BIN1: variants seen among roughly 807,000 people sequenced by gnomAD.
BIN1 encodes the protein myc box-dependent-interacting protein 1.
A neutral mutation model predicts 82.0 loss-of-function variants in BIN1; 53 were observed. The observed-to-expected ratio is 0.65, with a 90% CI of 0.52 to 0.81. The LOEUF is 0.81. Among genes scored for constraint, BIN1 ranks in the 40% least tolerant of loss-of-function variants. The pLI is 0.00. For synonymous variants in BIN1, 302 were observed against 328.0 expected, an observed-to-expected ratio of 0.92 and a Z score of 0.86; for missense variants, 642 against 784.4, an observed-to-expected ratio of 0.82 and a Z score of 2.17.
rs566618682 is a variant in BIN1, at chr2:127,068,514, C to T, written c.520-259G>A. 1.3e-3 allele frequency among the ~76,000 whole-genome samples: 192 copies of T among 152,266 alleles called. 2 individuals carry two copies. The highest frequency in any genetic ancestry group is 2.5e-3 in the Admixed American group (38 of 15,300). ...AGCAAGCACGGCCCTGCCCGGAGGA[C>T]GGGGCCACCCCAGCCCCTCACCAAA... On this transcript the variant is annotated intron_variant, in intron 6 of 18. Transcript: ENST00000316724. The surrounding 1 kb of genome is among the most constrained non-coding windows in gnomAD (Gnocchi z 4.9).
chr2:127,089,163 C>T (rs1394313253), intron 1 of BIN1, among the ~76,000 whole-genome samples: 1 of 152,172 alleles, frequency 6.6e-6, no homozygotes, highest in Non-Finnish European at 1.5e-5. Flanking sequence ...CAGGGTCACG[C>T]AGCCAGGCCC....
chr2:127,070,022 C>CGT lies in BIN1; in HGVS notation c.382_383dup (p.Tyr129ArgfsTer68), dbSNP rs761813363. Reference sequence around the variant, plus strand: ...TGATGTCGGGGAACTGGCCCAGGTACGTGTCCATGGTCAGCAGCGCCTGGT... The same window carrying CGT: ...TGATGTCGGGGAACTGGCCCAGGTACGTGTGTCCATGGTCAGCAGCGCCTGGT... On this transcript the variant is annotated frameshift_variant, in exon 5 of 19. Coordinates refer to ENST00000316724, the MANE Select transcript of BIN1 (RefSeq NM_139343.3). LOFTEE classifies it high-confidence loss of function. The CGT allele has an allele frequency of 6.2e-7, 1 of 1,614,014 alleles. No homozygotes were observed. The highest frequency in any genetic ancestry group is 1.3e-5 in the African/African-American group (1 of 74,950).
chr2:127,082,435 G>A lies in BIN1; in HGVS notation c.85-5729C>T, dbSNP rs1005226131. On this transcript the variant is annotated intron_variant, in intron 1 of 18. Transcript: ENST00000316724. The surrounding 1 kb of genome is among the most constrained non-coding windows in gnomAD (Gnocchi z 6.1). ...CTCAGCTGGGGATACCAGGGACATC[G>A]CAGGACAAGTCTGCACCGAGACCAG... Among the ~76,000 whole-genome samples, 5 of 152,240 alleles carry A rather than the reference G, an allele frequency of 3.3e-5. No individual in the cohort carries two copies. Among genetic ancestry groups the A allele is most frequent in the South Asian group, 2.1e-4 (1 of 4,820 alleles).
intron 1 of BIN1, 77 bp downstream of exon 1, chr2:127,106,783 C>A: frequency 6.6e-7 from 1 of 1,515,040 alleles, no homozygotes; most frequent in Non-Finnish European, 8.9e-7. Context: ...GCCCCGGGGT[C>A]GGAGGATAGG....
chr2:127,071,885 C>T (rs1424513293), intron 2 of BIN1, among the ~76,000 whole-genome samples: 1 of 152,200 alleles, frequency 6.6e-6, no homozygotes, highest in Non-Finnish European at 1.5e-5. Flanking sequence ...TAGGCCAGGC[C>T]CTGGAGCTTG....
chr2:127,066,145 C>G (rs1685136042), intron 7 of BIN1, among the ~76,000 whole-genome samples: 1 of 152,164 alleles, frequency 6.6e-6, no homozygotes, highest in Non-Finnish European at 1.5e-5. Context: ...CAGGGCAGCC[C>G]CGGAGTCCCA....
chr2:127,102,954 C>T (rs1024196294), intron 1 of BIN1, among the ~76,000 whole-genome samples: 1 of 152,188 alleles, frequency 6.6e-6, no homozygotes, highest in African/African-American at 2.4e-5. Context: ...AGGGAAGAAC[C>T]TCAGACATTC....
intron 1 of BIN1, among the ~76,000 whole-genome samples, chr2:127,080,532 C>T (rs559223620): frequency 1.3e-5 from 2 of 152,362 alleles, no homozygotes; most frequent in South Asian, 2.1e-4. Flanking sequence ...TCATCACACA[C>T]TTATCACGCA....
At chr2:127,060,320 T>C (rs895962713) in intron 10 of BIN1, among the ~76,000 whole-genome samples, 1 of 152,194 alleles carries the variant, frequency 6.6e-6, no homozygotes, top group Non-Finnish European at 1.5e-5. Context: ...ACGTCCTCCA[T>C]TGCTAAGTGC....
In BIN1 at chr2:127,106,946, C is replaced by G; in HGVS notation, c.-3G>C. 2 of 1,610,320 alleles carry G rather than the reference C, an allele frequency of 1.2e-6. No homozygotes were observed. The highest frequency in any genetic ancestry group is 1.7e-6 in the Non-Finnish European group (2 of 1,178,930). ...CCTTTACTGCCCATCTCTGCCATCG[C>G]GGCGCAGGCCTCGCCCGGTGGCAGG... On this transcript the variant is annotated 5_prime_UTR_variant, in exon 1 of 19. Transcript: ENST00000316724.
rs4662706 is a variant in BIN1 at position 127,090,925 on chromosome 2, G to T, written c.85-14219C>A. On this transcript the variant is annotated intron_variant, in intron 1 of 18. Coordinates refer to ENST00000316724, the MANE Select transcript of BIN1 (RefSeq NM_139343.3). The surrounding 1 kb of genome is among the most constrained non-coding windows in gnomAD (Gnocchi z 6.4). The stretch of plus-strand genomic sequence containing the variant: ...GGCAGCCTTCCCCGACTCCACTCCA[G>T]GCACAGGAGCTGACTTGTTCTTCTG... Among the ~76,000 whole-genome samples the T allele has an allele frequency of 0.046, 7,050 of 152,252 alleles. 389 individuals are homozygous for T. Among genetic ancestry groups the T allele is most frequent in the East Asian group, 0.19 (971 of 5,174 alleles).
chr2:127,073,602 G>C (rs781543501), intron 2 of BIN1, among the ~76,000 whole-genome samples: 22 of 152,174 alleles, frequency 1.4e-4, no homozygotes, highest in Admixed American at 2.6e-4. Context: ...TAGGGGGCAG[G>C]GACGGCCCTC....
intron 1 of BIN1, among the ~76,000 whole-genome samples, chr2:127,106,620 G>A (rs769895843): frequency 8.5e-4 from 129 of 152,310 alleles, no homozygotes; most frequent in Non-Finnish European, 1.5e-3. Flanking sequence ...GGTGCAAAGC[G>A]GGGCCCTGTC....
chr2:127,091,040 C>T (rs1001379028), intron 1 of BIN1, among the ~76,000 whole-genome samples: 19 of 152,286 alleles, frequency 1.2e-4, no homozygotes, highest in Middle Eastern at 3.4e-3. Context: ...TCAAAGTCCT[C>T]GGTTTCTATA....
rs984126012 is a variant in BIN1 at position 127,057,210 on chromosome 2, C to T, written c.1131+263G>A. On this transcript the variant is annotated intron_variant, in intron 12 of 18. Transcript: ENST00000316724. This position sits in a 1 kb window ranked among gnomAD's most constrained non-coding sequence, Gnocchi z 5.0. The stretch of plus-strand genomic sequence containing the variant: ...CATAGCACCCACTGCGTCGCGAGGG[C>T]GCTGCTGATGTAACTGCTGCGCCGG... Among the ~76,000 whole-genome samples the T allele has an allele frequency of 9.8e-5, 15 of 152,352 alleles. No individual in the cohort carries two copies. The highest frequency in any genetic ancestry group is 5.8e-4 in the East Asian group (3 of 5,180).
At chr2:127,069,058 G>T in intron 5 of BIN1, 27 bp from the exon 6 acceptor site, 1 of 1,603,976 alleles carries the variant, frequency 6.2e-7, no homozygotes, top group Non-Finnish European at 8.5e-7. Flanking sequence ...AGGGCACTAA[G>T]CGGGGCCTGG....
intron 8 of BIN1, 42 bp from the exon 9 acceptor site, chr2:127,063,688 G>A (rs755752296): frequency 3.4e-5 from 54 of 1,598,348 alleles, no homozygotes; most frequent in Non-Finnish European, 4.4e-5. Flanking sequence ...GAACAGGCAG[G>A]TCAGGACAGC....
At chr2:127,078,763 C>A (rs1286133163) in intron 1 of BIN1, among the ~76,000 whole-genome samples, 1 of 152,188 alleles carries the variant, frequency 6.6e-6, no homozygotes, top group African/African-American at 2.4e-5. Flanking sequence ...AAGGGACCCC[C>A]CAGAAAGTGG....
rs747918591 is a variant in BIN1 at position 127,051,184 on chromosome 2, T to C, written c.1431A>G (p.Pro477=). ...CTGCTTCACTTGCCGCCGTCTCCCC[T>C]GGCTCCTGGGCTCCAGCCGCAGGTT... ...GTQPAAGAQE[P]GETAASEAAS... is the part of the protein sequence containing the mutation. The change falls in exon 16 of 19, where the codon CCA becomes CCG. Residue 477 remains proline (P), a synonymous_variant. Coordinates refer to ENST00000316724, the MANE Select transcript of BIN1 (RefSeq NM_139343.3). The C allele has an allele frequency of 2.5e-6, 4 of 1,613,500 alleles. No individual in the cohort carries two copies. The South Asian group carries it at 4.4e-5, about 18-fold the overall frequency.
Sources: gnomAD v4.1 joint callset for allele counts (sites outside exome capture counted in the v4.1 genomes callset) on GRCh38, gnomAD v4.1.1 for gene constraint, Gnocchi (gnomAD v3.1) non-coding constraint, MANE v1.5 for transcripts, NCBI Gene and HGNC (gene_info 2026-07-23, HGNC 2026-07-21) for gene names.